Variants in NEDD9 observed in about 807,000 individuals in gnomAD.
The protein encoded by NEDD9 is enhancer of filamentation 1.
Under a neutral mutation model 76.6 loss-of-function variants are expected in NEDD9, and 26 were observed. The observed-to-expected ratio is 0.34, with a 90% CI of 0.25 to 0.47. NEDD9 has a LOEUF of 0.47. Ranked by LOEUF, NEDD9 falls within the 20% of genes least tolerant of loss-of-function variation. The probability of loss-of-function intolerance (pLI) is 1.00; values close to 1 mark genes in which losing one functional copy is unlikely to be tolerated. For missense variants in NEDD9, 937 were observed against 1,058.5 expected, an observed-to-expected ratio of 0.89 and a Z score of 1.59; for synonymous variants, 392 against 414.2, an observed-to-expected ratio of 0.95 and a Z score of 0.65.
rs888552403 is a variant in NEDD9, at chr6:11,197,526, G to A, written c.460-3834C>T. On this transcript the variant is annotated intron_variant, in intron 2 of 6. Coordinates refer to ENST00000379446, the MANE Select transcript of NEDD9 (RefSeq NM_006403.4). ...TAGTATACCATTCTCAGTAACTAAC[G>A]GGAGGGTCCAAGACAGAGACTTTGA... is the stretch of plus-strand genomic sequence containing the variant. Among the ~76,000 whole-genome samples the A allele has an allele frequency of 3.3e-5, 5 of 152,214 alleles. No individual in the cohort carries two copies. In the East Asian group the frequency reaches 5.8e-4, roughly 18 times the overall value.
At chr6:11,225,796 C>T (rs7755280) in intron 1 of NEDD9, among the ~76,000 whole-genome samples, 28,944 of 135,258 alleles carry the variant, frequency 0.21, 3,106 homozygotes, top group Middle Eastern at 0.32. Context: ...CCACCGCGCC[C>T]GGCCTTTTTT....
Position 11,283,452 on chromosome 6 carries a change from T to A in NEDD9, c.12+22540A>T, listed in dbSNP as rs779735878. ...GAATGAATGAATGGCTCAAATGCCA[T>A]CCTGTTATTGTAGATCAGGGAACTT... On this transcript the variant is annotated intron_variant, in intron 3 of 3. Coordinates refer to the NEDD9 transcript ENST00000397378. Among the ~76,000 whole-genome samples the A allele has an allele frequency of 8.9e-4, 135 of 152,196 alleles. 4 individuals carry two copies. The highest frequency in any genetic ancestry group is 1.9e-4 in the Non-Finnish European group (13 of 68,028).
At chr6:11,254,710 G>A (rs1260439629) in intron 3 of NEDD9, among the ~76,000 whole-genome samples, 1 of 152,206 alleles carries the variant, frequency 6.6e-6, no homozygotes, top group Non-Finnish European at 1.5e-5. Context: ...GGCCCCAAAG[G>A]TGGTGGTAAC....
At chr6:11,345,081 G>A (rs1482491319) in intron 1 of NEDD9, among the ~76,000 whole-genome samples, 1 of 152,300 alleles carries the variant, frequency 6.6e-6, no homozygotes, top group Non-Finnish European at 1.5e-5. Flanking sequence ...ATAGGGCGGT[G>A]GAGAAGAGGG....
intron 2 of NEDD9, among the ~76,000 whole-genome samples, chr6:11,319,840 G>A (rs923340769): frequency 2.1e-5 from 3 of 142,462 alleles, no homozygotes; most frequent in South Asian, 2.2e-4. Context: ...ATACACTCAC[G>A]CACTCATGCA....
chr6:11,301,311 A>G (rs931681043), intron 3 of NEDD9, among the ~76,000 whole-genome samples: 1 of 152,240 alleles, frequency 6.6e-6, no homozygotes, highest in Non-Finnish European at 1.5e-5. Flanking sequence ...CACCAAGAAG[A>G]GCTAACTATC....
chr6:11,189,863 T>C, intron 5 of NEDD9, 101 bp downstream of exon 5: 1 of 1,368,862 alleles, frequency 7.3e-7, no homozygotes, highest in Admixed American at 2.4e-5. Flanking sequence ...ATTAATTATG[T>C]TCTCTCCTTT....
intron 3 of NEDD9, among the ~76,000 whole-genome samples, chr6:11,284,293 C>T (rs148004237): frequency 4.9e-4 from 74 of 151,522 alleles, no homozygotes; most frequent in Middle Eastern, 3.4e-3. Flanking sequence ...CAGTGGCTCA[C>T]GCCTGTAATC....
In NEDD9 at chr6:11,190,412, T is replaced by C. The variant is rs1758106349; in HGVS notation, c.1457A>G (p.Lys486Arg). Residue 486 changes from lysine to arginine, a missense_variant, in exon 5 of 7, where the codon AAG (lysine) becomes AGG (arginine). Physicochemically the swap from Lys to Arg is conservative, Grantham distance 26 (BLOSUM62 2). Transcript: ENST00000379446. This position sits in a 1 kb window ranked among gnomAD's most constrained non-coding sequence, Gnocchi z 5.8. ...GTCTTCAACTCGTTGCAGCTCCCGC[T>C]TCATCTTGTTGTGGAGGATGAGTTC... ...LPELILHNKM[K>R]RELQRVEDSH... 6.2e-7 allele frequency: 1 copy of C among 1,614,182 alleles called. No homozygotes were observed. The highest frequency in any genetic ancestry group is 1.3e-5 in the African/African-American group (1 of 75,048).
intron 1 of NEDD9, chr6:11,214,049 A>G (rs1758870606): frequency 2.4e-6 from 1 of 419,608 alleles, no homozygotes. Context: ...TATACAAAAC[A>G]TTTTTCTTCC....
In NEDD9 at chr6:11,220,314, C is replaced by T. The variant is rs190357339; in HGVS notation, c.13-6587G>A. ...ACAAAGCTTATAGGAGTATCTTGGA[C>T]CCCCCCGCCGAATCTTGACGTCATT... On this transcript the variant is annotated intron_variant, in intron 1 of 6. Transcript: ENST00000379446. Among the ~76,000 whole-genome samples, 1,095 of 152,128 alleles carry T rather than the reference C, an allele frequency of 7.2e-3. 9 individuals are homozygous for T. The highest frequency in any genetic ancestry group is 0.011 in the Non-Finnish European group (761 of 67,982).
intron 3 of NEDD9, among the ~76,000 whole-genome samples, chr6:11,294,268 A>T (rs1354124416): frequency 6.6e-6 from 1 of 152,106 alleles, no homozygotes; most frequent in African/African-American, 2.4e-5. Context: ...TTCCATAACG[A>T]CTATACCAGC....
intron 3 of NEDD9, among the ~76,000 whole-genome samples, chr6:11,257,061 G>A (rs1302349582): frequency 1.3e-5 from 2 of 152,208 alleles, no homozygotes; most frequent in Admixed American, 1.3e-4. Context: ...CTGGAAAAAT[G>A]TAAAGTATGG....
At chr6:11,350,740 C>T (rs561065650) in intron 1 of NEDD9, among the ~76,000 whole-genome samples, 1 of 152,144 alleles carries the variant, frequency 6.6e-6, no homozygotes, top group African/African-American at 2.4e-5. Context: ...GACTAAGACA[C>T]TGAACAAGGC....
chr6:11,292,594 A>G (rs567918591), intron 3 of NEDD9, among the ~76,000 whole-genome samples: 1 of 152,290 alleles, frequency 6.6e-6, no homozygotes, highest in East Asian at 1.9e-4. Flanking sequence ...CTCCAGTAAA[A>G]TTTCTGTCTG....
At chr6:11,251,081 A>G (rs1287465083) in intron 3 of NEDD9, among the ~76,000 whole-genome samples, 1 of 152,226 alleles carries the variant, frequency 6.6e-6, no homozygotes, top group Non-Finnish European at 1.5e-5. Context: ...AATATAACCT[A>G]CAATGGAAAG....
chr6:11,204,379 A>G (rs1026645289), intron 2 of NEDD9, among the ~76,000 whole-genome samples: 1 of 152,206 alleles, frequency 6.6e-6, no homozygotes, highest in Non-Finnish European at 1.5e-5. Flanking sequence ...AGGTGCCCCC[A>G]CCTGGTTAAA....
Position 11,209,729 on chromosome 6 carries a change from T to C in NEDD9, c.459+3552A>G, listed in dbSNP as rs141287885. Among the ~76,000 whole-genome samples, 189 of 152,332 alleles carry C rather than the reference T, an allele frequency of 1.2e-3. 4 individuals carry two copies. The East Asian group carries it at 0.034, about 27-fold the overall frequency. On this transcript the variant is annotated intron_variant, in intron 2 of 6. Coordinates refer to ENST00000379446, the MANE Select transcript of NEDD9 (RefSeq NM_006403.4). ...ATGGTCAGTAACTTACCAAAGGATA[T>C]ACAGCTATGGAGAAACAACCCAGCA...
At position 11,213,388 on chromosome 6, in the gene NEDD9, A is replaced by G. The variant is rs1423024761; in HGVS notation, c.352T>C (p.Tyr118His). The change falls in exon 2 of 7, where the codon TAC becomes CAC. Residue 118 changes from tyrosine to histidine, a missense_variant. Physicochemically the swap from Tyr to His is moderately conservative, Grantham distance 83 (BLOSUM62 2). Coordinates refer to ENST00000379446, the MANE Select transcript of NEDD9 (RefSeq NM_006403.4). This position sits in a 1 kb window ranked among gnomAD's most constrained non-coding sequence, Gnocchi z 5.4. ...VPPSYQNQGI[Y>H]QVPTGHGTQE... ...GTGCCGTGGCCAGTGGGGACTTGGT[A>G]AATTCCCTGATTTTGGTAGGAAGGT... 3.7e-6 allele frequency: 6 copies of G among 1,613,714 alleles called. No individual in the cohort carries two copies. The Admixed American group carries it at 5.0e-5, about 13-fold the overall frequency.
Sources: allele counts gnomAD v4.1 joint callset (sites outside exome capture counted in the v4.1 genomes callset), GRCh38; gene constraint gnomAD v4.1.1; non-coding constraint Gnocchi (gnomAD v3.1); transcripts MANE v1.5; gene names NCBI Gene and HGNC (gene_info 2026-07-23, HGNC 2026-07-21).